RBFOX1: variants seen among roughly 807,000 people sequenced by gnomAD.
RBFOX1 encodes RNA binding fox-1 homolog 1, also known as RNA binding protein fox-1 homolog 1.
RBFOX1 carries 8 observed loss-of-function variants against 57.7 expected under a neutral mutation model. The observed-to-expected ratio is 0.14, with a 90% CI of 0.08 to 0.25. The LOEUF (loss-of-function observed/expected upper bound fraction) is 0.25. Among genes scored for constraint, RBFOX1 ranks in the 10% least tolerant of loss-of-function variants. The probability of loss-of-function intolerance (pLI) is 1.00; values close to 1 mark genes in which losing one functional copy is unlikely to be tolerated. For synonymous variants in RBFOX1, 326 were observed against 222.4 expected, an observed-to-expected ratio of 1.47 and a Z score of -4.15; for missense variants, 611 against 548.5, an observed-to-expected ratio of 1.11 and a Z score of -1.14.
In RBFOX1 at chr16:6,873,396, T is replaced by C. The variant is rs529962867; in HGVS notation, c.-15-178661T>C. 1.2e-4 allele frequency among the ~76,000 whole-genome samples: 18 copies of C among 152,244 alleles called. 1 individual carries two copies. In the South Asian group the frequency reaches 3.7e-3, roughly 32 times the overall value. On this transcript the variant is annotated intron_variant, in intron 3 of 15. Transcript: ENST00000550418. ...AGGTCTTTGAGTTATGTAAGCAGAA[T>C]GCAATTAAAGAAGAAGTGCTCACTA...
chr16:5,315,138 A>G (rs998936170), intron 1 of RBFOX1, among the ~76,000 whole-genome samples: 4 of 152,150 alleles, frequency 2.6e-5, no homozygotes, highest in African/African-American at 9.7e-5. Flanking sequence ...ATAAAGTGAA[A>G]TGTACAGATC....
chr16:6,051,805 C>G (rs112261327), intron 1 of RBFOX1, among the ~76,000 whole-genome samples: 2 of 152,302 alleles, frequency 1.3e-5, no homozygotes, highest in Non-Finnish European at 2.9e-5. Flanking sequence ...CTCAGGTGAT[C>G]CACCCACCCT....
chr16:6,316,924 C>A, intron 1 of RBFOX1, 71 bp from the exon 2 acceptor site: 3 of 1,372,648 alleles, frequency 2.2e-6, no homozygotes, highest in South Asian at 1.3e-5. Flanking sequence ...ATTACTATGA[C>A]AAAAAAAGTG....
chr16:6,817,202 T>G (rs2090272794), intron 3 of RBFOX1, among the ~76,000 whole-genome samples: 2 of 152,114 alleles, frequency 1.3e-5, no homozygotes, highest in Non-Finnish European at 2.9e-5. Flanking sequence ...TCCACTTGAT[T>G]AGGTGCAAGG....
chr16:5,331,262 G>T (rs2064748349), intron 1 of RBFOX1, among the ~76,000 whole-genome samples: 2 of 152,246 alleles, frequency 1.3e-5, no homozygotes, highest in Non-Finnish European at 1.5e-5. Flanking sequence ...TCACCAGATG[G>T]TTGTCATGTA....
intron 4 of RBFOX1, among the ~76,000 whole-genome samples, chr16:7,288,875 G>T (rs888573766): frequency 3.9e-5 from 6 of 152,158 alleles, no homozygotes; most frequent in African/African-American, 1.4e-4. Flanking sequence ...AGTATTTCTT[G>T]GACTTGTGTG....
intron 3 of RBFOX1, among the ~76,000 whole-genome samples, chr16:6,679,710 T>C (rs1038717251): frequency 6.6e-6 from 1 of 152,142 alleles, no homozygotes; most frequent in Non-Finnish European, 1.5e-5. Flanking sequence ...ACAAGAGTAC[T>C]TGAGTGAGTT....
chr16:7,695,621 C>T (rs190517040), intron 14 of RBFOX1, among the ~76,000 whole-genome samples: 122 of 142,448 alleles, frequency 8.6e-4, no homozygotes, highest in Middle Eastern at 7.8e-3. Flanking sequence ...CACTGCACTC[C>T]GGCCTGGACG....
chr16:6,256,669 G>C (rs1251947486), intron 1 of RBFOX1, among the ~76,000 whole-genome samples: 1 of 152,100 alleles, frequency 6.6e-6, no homozygotes, highest in East Asian at 1.9e-4. Context: ...GCTGTGGGAT[G>C]CTGCCCTGTG....
chr16:6,902,397 G>C (rs1336241315), intron 3 of RBFOX1, among the ~76,000 whole-genome samples: 2 of 152,166 alleles, frequency 1.3e-5, no homozygotes, highest in African/African-American at 2.4e-5. Context: ...CAAGAGGAAA[G>C]TCTTCCAGGC....
chr16:6,863,725 CTTTTTTTTTTTTTTTT>C (rs71408412), intron 3 of RBFOX1, among the ~76,000 whole-genome samples: 1 of 67,764 alleles, frequency 1.5e-5, no homozygotes, highest in Non-Finnish European at 2.6e-5. Context: ...GATGCCTGCG[CTTTTTTTTTTTTTTTT>C]TTTTTTTTTT....
chr16:7,644,497 G>A (rs932554682), intron 11 of RBFOX1, among the ~76,000 whole-genome samples: 1 of 152,160 alleles, frequency 6.6e-6, no homozygotes, highest in Admixed American at 6.5e-5. Flanking sequence ...CATCACCCCA[G>A]AGTTTCTGTG....
intron 3 of RBFOX1, among the ~76,000 whole-genome samples, chr16:6,819,511 C>CT (rs1302013537): frequency 6.6e-6 from 1 of 151,942 alleles, no homozygotes; most frequent in Admixed American, 6.6e-5. Context: ...TGAGACCAGC[C>CT]TGACCAGCAT....
intron 2 of RBFOX1, among the ~76,000 whole-genome samples, chr16:6,471,591 A>C (rs999293189): frequency 3.3e-5 from 5 of 152,206 alleles, no homozygotes; most frequent in Non-Finnish European, 5.9e-5. Flanking sequence ...AAAAAAAAAA[A>C]AAAACCTCTA....
chr16:7,084,191 A>T (rs1231917388), intron 4 of RBFOX1, among the ~76,000 whole-genome samples: 2 of 152,178 alleles, frequency 1.3e-5, no homozygotes, highest in African/African-American at 4.8e-5. Flanking sequence ...AAAGGCATTC[A>T]GATGCAATTA....
intron 4 of RBFOX1, among the ~76,000 whole-genome samples, chr16:6,010,886 A>G (rs981898864): frequency 1.8e-4 from 27 of 152,224 alleles, no homozygotes; most frequent in Admixed American, 1.7e-3. Context: ...TAATCGAAGT[A>G]TAAGGAATAA....
chr16:7,209,414 C>A (rs1603209078), intron 4 of RBFOX1, among the ~76,000 whole-genome samples: 1 of 152,108 alleles, frequency 6.6e-6, no homozygotes, highest in Non-Finnish European at 1.5e-5. Flanking sequence ...CCCTAGTGAC[C>A]TCATTTTAAC....
chr16:5,824,113 C>G (rs2055951898), intron 3 of RBFOX1, among the ~76,000 whole-genome samples: 1 of 152,166 alleles, frequency 6.6e-6, no homozygotes, highest in South Asian at 2.1e-4. Context: ...CCTCTCTGGG[C>G]CTGGGAGCTA....
At chr16:5,788,889 C>T (rs1216193617) in intron 3 of RBFOX1, among the ~76,000 whole-genome samples, 1 of 152,272 alleles carries the variant, frequency 6.6e-6, no homozygotes, top group East Asian at 1.9e-4. Context: ...AAGCCCCCAT[C>T]CTGTTGCACC....
Sources: allele counts gnomAD v4.1 joint callset (sites outside exome capture counted in the v4.1 genomes callset), GRCh38; gene constraint gnomAD v4.1.1; transcripts MANE v1.5; gene names NCBI Gene and HGNC (gene_info 2026-07-23, HGNC 2026-07-21).